Variants in GRIP2 observed in about 807,000 individuals in gnomAD.
The protein encoded by GRIP2 is glutamate receptor-interacting protein 2.
Under a neutral mutation model 108.3 loss-of-function variants are expected in GRIP2, and 58 were observed. That is an observed-to-expected ratio of 0.54 (90% CI 0.43 to 0.67). The LOEUF is 0.67. Ranked by LOEUF, GRIP2 falls within the 30% of genes least tolerant of loss-of-function variation. The pLI is 0.00. For missense variants in GRIP2, 1,278 were observed against 1,430.6 expected, an observed-to-expected ratio of 0.89 and a Z score of 1.72; for synonymous variants, 586 against 598.2, an observed-to-expected ratio of 0.98 and a Z score of 0.30.
At chr3:14,556,143 C>T (rs1010164321), upstream of GRIP2, 34 of 395,266 alleles carry the variant, frequency 8.6e-5, no homozygotes, top group Admixed American at 5.3e-4. Context: ...GCATTGGTGG[C>T]GGCAAGGCCC....
chr3:14,566,037 A>T, the GRIP2 span, among the ~76,000 whole-genome samples: 1 of 152,216 alleles, frequency 6.6e-6, no homozygotes, highest in Non-Finnish European at 1.5e-5. Context: ...GAAAGGGAGG[A>T]GCGCATCCCA....
intron 1 of GRIP2, among the ~76,000 whole-genome samples, chr3:14,531,760 G>C (rs1216735448): frequency 6.6e-6 from 1 of 152,190 alleles, no homozygotes; most frequent in Non-Finnish European, 1.5e-5. Flanking sequence ...GCCTTTTAGC[G>C]TTTTCTACCC....
the GRIP2 span, chr3:14,573,425 G>T: frequency 7.1e-7 from 1 of 1,399,538 alleles, no homozygotes; most frequent in Non-Finnish European, 1.0e-6. Flanking sequence ...GCAGGATCCT[G>T]GTGTGCAGGA....
At chr3:14,538,681 G>A (rs778301624) in intron 1 of GRIP2, among the ~76,000 whole-genome samples, 16 of 152,218 alleles carry the variant, frequency 1.1e-4, no homozygotes, top group Admixed American at 5.9e-4. Flanking sequence ...CTACAGTGGT[G>A]AGGGTAGAGG....
Position 14,511,365 on chromosome 3 carries a change from TAC to T in GRIP2, c.1787+46_1787+47del. Reference sequence around the variant, plus strand: ...AGGAGCCTGGTGCATGCAGGTGCCATACTCACTGCTGTTGGCCACTTCCCTTC... The same window carrying T: ...AGGAGCCTGGTGCATGCAGGTGCCATTCACTGCTGTTGGCCACTTCCCTTC... On this transcript the variant is annotated intron_variant, in intron 15 of 23. Coordinates refer to ENST00000621039, the MANE Select transcript of GRIP2 (RefSeq NM_001080423.4). The surrounding 1 kb of genome is among the most constrained non-coding windows in gnomAD (Gnocchi z 4.1). The T allele has an allele frequency of 6.2e-7, 1 of 1,613,936 alleles. No homozygotes were observed. Among genetic ancestry groups the T allele is most frequent in the Non-Finnish European group, 8.5e-7 (1 of 1,179,850 alleles).
chr3:14,531,788 C>T (rs150628931), intron 1 of GRIP2, among the ~76,000 whole-genome samples: 7 of 152,210 alleles, frequency 4.6e-5, no homozygotes, highest in African/African-American at 1.7e-4. Flanking sequence ...GAGGCCCCAT[C>T]GAGCGGGTTA....
chr3:14,509,019 T>TGAA (rs2124878224), intron 17 of GRIP2, among the ~76,000 whole-genome samples: 1 of 152,210 alleles, frequency 6.6e-6, no homozygotes, highest in South Asian at 2.1e-4. Flanking sequence ...CTCGAATTGA[T>TGAA]GAAGACATTG....
the GRIP2 span, among the ~76,000 whole-genome samples, chr3:14,591,187 A>G: frequency 6.6e-6 from 1 of 152,102 alleles, no homozygotes; most frequent in South Asian, 2.1e-4. Flanking sequence ...CCAACTCTCA[A>G]CTTCATCTTG....
In GRIP2 at chr3:14,505,711, G is replaced by A. The variant is rs758659394; in HGVS notation, c.2477C>T (p.Pro826Leu). 2 of 1,592,036 alleles carry A rather than the reference G, an allele frequency of 1.3e-6. No individual in the cohort carries two copies. The highest frequency in any genetic ancestry group is 1.1e-5 in the South Asian group (1 of 88,018). ...GCTCGTCCTCCGGGGCTCGGTGGGT[G>A]GGGGGCTGCCCCTCAGCCAGCCAGG... Reference protein sequence around the residue: ...RRPGWLRGSPPPTEPRRTSYT... With the variant: ...RRPGWLRGSPLPTEPRRTSYT... Residue 826 changes from proline (P) to leucine (L), a missense_variant, in exon 20 of 24, where the codon CCA (proline) becomes CTA (leucine). Transcript: ENST00000621039. The surrounding 1 kb of genome is among the most constrained non-coding windows in gnomAD (Gnocchi z 4.2).
chr3:14,538,899 G>A (rs1219996059), intron 1 of GRIP2, among the ~76,000 whole-genome samples: 1 of 152,220 alleles, frequency 6.6e-6, no homozygotes, highest in South Asian at 2.1e-4. Flanking sequence ...CCCATGAGGA[G>A]GGGGAGACAC....
chr3:14,504,854 G>A (rs1693874387), intron 20 of GRIP2, among the ~76,000 whole-genome samples: 1 of 152,184 alleles, frequency 6.6e-6, no homozygotes, highest in Admixed American at 6.5e-5. Flanking sequence ...CGCAAAATAT[G>A]TCTGAGCACC....
intron 1 of GRIP2, among the ~76,000 whole-genome samples, chr3:14,533,953 C>T (rs1694771989): frequency 6.6e-6 from 1 of 152,180 alleles, no homozygotes; most frequent in Non-Finnish European, 1.5e-5. Flanking sequence ...CAGGCGAGGC[C>T]TCGAGAGACT....
At chr3:14,537,822 G>T (rs1694870025) in intron 1 of GRIP2, among the ~76,000 whole-genome samples, 1 of 152,220 alleles carries the variant, frequency 6.6e-6, no homozygotes, top group Non-Finnish European at 1.5e-5. Context: ...CCCCAGCATG[G>T]CAGCAAGTGC....
chr3:14,546,123 A>G (rs1695054331), upstream of GRIP2, among the ~76,000 whole-genome samples: 1 of 152,144 alleles, frequency 6.6e-6, no homozygotes, highest in Non-Finnish European at 1.5e-5. Flanking sequence ...CACACCCCGT[A>G]GGGACCTGTG....
the GRIP2 span, among the ~76,000 whole-genome samples, chr3:14,561,449 CT>C: frequency 0.028 from 4,334 of 152,336 alleles, 173 homozygotes; most frequent in African/African-American, 0.098. Context: ...GAGGTTCCCC[CT>C]GTTGTCAAAG....
In GRIP2 at chr3:14,512,867, G is replaced by A. The variant is rs1468446341; in HGVS notation, c.1640-10C>T. On this transcript the variant is annotated splice_polypyrimidine_tract_variant and intron_variant, in intron 13 of 23. Coordinates refer to ENST00000621039, the MANE Select transcript of GRIP2 (RefSeq NM_001080423.4). The surrounding 1 kb of genome is among the most constrained non-coding windows in gnomAD (Gnocchi z 5.1). ...CTTGGGATGACGGACTCTGGGGGTA[G>A]ATGGACATAAACCGACGTGAGGACC... is the stretch of plus-strand genomic sequence containing the variant. The A allele has an allele frequency of 6.2e-7, 1 of 1,613,488 alleles. No individual in the cohort carries two copies. The highest frequency in any genetic ancestry group is 1.7e-5 in the Admixed American group (1 of 60,030).
At chr3:14,569,209 G>C in the GRIP2 span, among the ~76,000 whole-genome samples, 1 of 152,240 alleles carries the variant, frequency 6.6e-6, no homozygotes, top group Non-Finnish European at 1.5e-5. Context: ...AGAAGTGACA[G>C]CCAAGACTGA....
chr3:14,542,214 G>A, upstream of GRIP2: 1 of 456,344 alleles, frequency 2.2e-6, no homozygotes, highest in Non-Finnish European at 3.6e-6. Flanking sequence ...GGAGTGCAGT[G>A]GCGCAGTCTC....
intron 1 of GRIP2, among the ~76,000 whole-genome samples, chr3:14,538,051 G>A (rs1279555542): frequency 6.6e-6 from 1 of 152,170 alleles, no homozygotes. Flanking sequence ...AAGACTCCCT[G>A]GAGTGAGACG....
Sources: gnomAD v4.1 joint callset for allele counts (sites outside exome capture counted in the v4.1 genomes callset) on GRCh38, gnomAD v4.1.1 for gene constraint, Gnocchi (gnomAD v3.1) non-coding constraint, MANE v1.5 for transcripts, NCBI Gene and HGNC (gene_info 2026-07-23, HGNC 2026-07-21) for gene names.